Variants in MEFV observed in about 807,000 individuals in gnomAD.
MEFV encodes the protein pyrin.
Under a neutral mutation model 62.5 loss-of-function variants are expected in MEFV, and 60 were observed. The observed-to-expected ratio is 0.96, with a 90% CI of 0.78 to 1.19. MEFV has a LOEUF of 1.19. MEFV is among the 50% of genes most tolerant of loss of function. MEFV has a pLI of 0.00. For missense variants in MEFV, 1,169 were observed against 1,004.5 expected (o/e 1.16, Z -2.21); for synonymous variants, 500 against 415.2 (o/e 1.20, Z -2.48).
At chr16:3,243,747 AG>A in intron 9 of MEFV, 53 bp from the exon 10 acceptor site, 1 of 1,610,044 alleles carries the variant, frequency 6.2e-7, no homozygotes, top group South Asian at 1.1e-5. Flanking sequence ...ACATCCCTAC[AG>A]GGTTCTCCCC....
rs763891956 is a variant in MEFV at position 3,254,169 on chromosome 16, T to A, written c.899A>T (p.His300Leu). 6.2e-7 allele frequency: 1 copy of A among 1,614,202 alleles called. No individual in the cohort carries two copies. Among genetic ancestry groups the A allele is most frequent in the Non-Finnish European group, 8.5e-7 (1 of 1,180,030 alleles). Residue 300 changes from histidine (H) to leucine (L), a missense_variant, in exon 2 of 10, where the codon CAT (histidine) becomes CTT (leucine). Coordinates refer to ENST00000219596, the MANE Select transcript of MEFV (RefSeq NM_000243.3). ...AGAACACAATTTACCGGTGACCGAA[T>A]GTTCTGGATTTCCAGGGCCTTCCTT... ...DLKEGPGNPE[H>L]SVTGRPPDTA...
At chr16:3,255,523 G>A (rs1421077078) in intron 1 of MEFV, among the ~76,000 whole-genome samples, 3 of 151,804 alleles carry the variant, frequency 2.0e-5, no homozygotes, top group Admixed American at 2.0e-4. Context: ...CCTGTTTTCT[G>A]TTTTTTCAAT....
intron 4 of MEFV, 123 bp from the exon 5 acceptor site, chr16:3,247,369 G>C: frequency 1.3e-6 from 1 of 745,364 alleles, no homozygotes; most frequent in East Asian, 2.6e-5. Context: ...GCCTCTTCAA[G>C]GCCTAGATTC....
rs1958880419 is a variant in MEFV, at chr16:3,243,078, A to G, written c.*63T>C. On this transcript the variant is annotated 3_prime_UTR_variant, in exon 10 of 10. Coordinates refer to ENST00000219596, the MANE Select transcript of MEFV (RefSeq NM_000243.3). The stretch of plus-strand genomic sequence containing the variant: ...GCTAGCACCTAGTCGGCATTCCGTG[A>G]CTATTGAGTGTGAATGCAAGATACA... The G allele has an allele frequency of 6.4e-7, 1 of 1,563,166 alleles. No individual in the cohort carries two copies. The highest frequency in any genetic ancestry group is 8.8e-7 in the Non-Finnish European group (1 of 1,136,074).
At chr16:3,251,400 C>T (rs948284078) in intron 2 of MEFV, among the ~76,000 whole-genome samples, 5 of 152,166 alleles carry the variant, frequency 3.3e-5, no homozygotes, top group Non-Finnish European at 7.3e-5. Flanking sequence ...GGCATGAGGA[C>T]GTCACCTTCT....
Position 3,243,371 on chromosome 16 carries a change from G to A in MEFV, c.2116C>T (p.Pro706Ser). 6.2e-7 allele frequency: 1 copy of A among 1,614,156 alleles called. No homozygotes were observed. Among genetic ancestry groups the A allele is most frequent in the African/African-American group, 1.3e-5 (1 of 75,030 alleles). ...GGCTCCTTTATTAGCAGGCGGGTCG[G>A]GGGAACGCTGGACGCCTGGTACTCA... ...ENEYQASSVP[P>S]TRLLIKEPPK... Residue 706 changes from proline (P) to serine (S), a missense_variant, in exon 10 of 10, where the codon CCG becomes TCG. Coordinates refer to ENST00000219596, the MANE Select transcript of MEFV (RefSeq NM_000243.3).
In MEFV at chr16:3,243,274, G is replaced by T. The variant is rs1958884755; in HGVS notation, c.2213C>A (p.Ser738Tyr). The T allele has an allele frequency of 6.2e-7, 1 of 1,614,206 alleles. No individual in the cohort carries two copies. The highest frequency in any genetic ancestry group is 1.3e-5 in the African/African-American group (1 of 75,044). ...GCAGCTGGCGAATGTATAGATGTGGGATCTGGCTGTCACATTGTAAAAGGA... is the reference window on the plus strand; with the variant it reads ...GCAGCTGGCGAATGTATAGATGTGGTATCTGGCTGTCACATTGTAAAAGGA... ...SISFYNVTAR[S>Y]HIYTFASCSF... Residue 738 changes from serine to tyrosine, a missense_variant, in exon 10 of 10, where the codon TCC becomes TAC. By Grantham distance (144) the Ser-to-Tyr change is moderately radical. Transcript: ENST00000219596.
rs374937035 is a variant in MEFV at position 3,247,170 on chromosome 16, T to C, written c.1433A>G (p.His478Arg). 5.6e-6 allele frequency: 9 copies of C among 1,613,980 alleles called. No homozygotes were observed. Among genetic ancestry groups the C allele is most frequent in the Non-Finnish European group, 7.6e-6 (9 of 1,180,024 alleles). ...QVYYFLEQQE[H>R]FFVASLEDVG... is the part of the protein sequence containing the mutation. ...GTCCTCCAGTGAGGCCACAAAGAAA[T>C]GCTCTTGCTGCTCCAGGAAGTAGTA... The change falls in exon 5 of 10, where the codon CAT becomes CGT. Residue 478 changes from histidine (H) to arginine (R), a missense_variant. Physicochemically the swap from His to Arg is conservative, Grantham distance 29. Coordinates refer to ENST00000219596, the MANE Select transcript of MEFV (RefSeq NM_000243.3).
chr16:3,243,263 T>C lies in MEFV; in HGVS notation c.2224A>G (p.Thr742Ala), dbSNP rs1958884433. The stretch of plus-strand genomic sequence containing the variant: ...CCAGAGAAAGAGCAGCTGGCGAATG[T>C]ATAGATGTGGGATCTGGCTGTCACA... The part of the protein sequence containing the change: ...YNVTARSHIY[T>A]FASCSFSGPL... The change falls in exon 10 of 10, where the codon ACA becomes GCA. Residue 742 changes from threonine (T) to alanine (A), a missense_variant. Physicochemically the swap from Thr to Ala is moderately conservative, Grantham distance 58. Coordinates refer to ENST00000219596, the MANE Select transcript of MEFV (RefSeq NM_000243.3). The C allele has an allele frequency of 6.2e-7, 1 of 1,614,060 alleles. No individual in the cohort carries two copies. Among genetic ancestry groups the C allele is most frequent in the South Asian group, 1.1e-5 (1 of 91,088 alleles).
At position 3,243,669 on chromosome 16, in the gene MEFV, G is replaced by A. The variant is rs104895213; in HGVS notation, c.1818C>T (p.Thr606=). Residue 606 remains threonine, a synonymous_variant, in exon 10 of 10, where the codon ACC becomes ACT. Coordinates refer to ENST00000219596, the MANE Select transcript of MEFV (RefSeq NM_000243.3). The part of the protein sequence containing the change: ...HAVNVILDAE[T]AYPNLIFSDD... ...CAGAGAAGATGAGGTTGGGGTAAGC[G>A]GTTTCTGCATCCAGAATCACATTAA... The A allele has an allele frequency of 1.5e-5, 24 of 1,607,068 alleles. No homozygotes were observed. Among genetic ancestry groups the A allele is most frequent in the African/African-American group, 5.4e-5 (4 of 74,576 alleles).
At chr16:3,244,636 GC>G (rs1958912189) in intron 6 of MEFV, 48 bp from the exon 7 acceptor site, 2 of 1,417,920 alleles carry the variant, frequency 1.4e-6, no homozygotes, top group Admixed American at 1.7e-5. Flanking sequence ...CGAGGGGGTG[GC>G]CCAAGTACCC....
Position 3,242,951 on chromosome 16 carries a change from C to G in MEFV, c.*190G>C, listed in dbSNP as rs114930858. The G allele has an allele frequency of 1.8e-3, 1,165 of 658,832 alleles. 13 individuals carry two copies. In the African/African-American group the frequency reaches 0.019, roughly 11 times the overall value. The allele number at this position is 658,832 out of a possible 1,614,324, so 40.8% of individuals were successfully genotyped here. On this transcript the variant is annotated 3_prime_UTR_variant, in exon 10 of 10. Coordinates refer to ENST00000219596, the MANE Select transcript of MEFV (RefSeq NM_000243.3). ...GGTGTGTCATCAGTACATGTCTTCA[C>G]CCGGATTGACTAACATGTTCGTTCC...
chr16:3,251,471 T>A (rs1255329764), intron 2 of MEFV, among the ~76,000 whole-genome samples: 2 of 152,234 alleles, frequency 1.3e-5, no homozygotes, highest in Non-Finnish European at 2.9e-5. Flanking sequence ...CCCAGGGTCC[T>A]GGCCCACGGA....
Position 3,254,546 on chromosome 16 carries a change from C to T in MEFV, c.522G>A (p.Lys174=). The T allele has an allele frequency of 6.4e-7, 1 of 1,557,290 alleles. No individual in the cohort carries two copies. The change falls in exon 2 of 10, where the codon AAG becomes AAA. Residue 174 remains lysine (K), a synonymous_variant. Transcript: ENST00000219596. ...GCAGGGCCGGGCTCCGGGTCCGAGG[C>T]TTGCCCTGCGCGTCCAGGCCCTCCG... ...KASEGLDAQG[K]PRTRSPALPG...
chr16:3,246,110 C>A (rs546620531), intron 6 of MEFV, among the ~76,000 whole-genome samples: 1 of 152,178 alleles, frequency 6.6e-6, no homozygotes, highest in East Asian at 1.9e-4. Context: ...TAAGGCTTAG[C>A]CTCTTCCTGT....
rs1042945356 is a variant in MEFV, at chr16:3,256,365, G to A, written c.223C>T (p.Arg75Trp). The change falls in exon 1 of 10, where the codon CGG becomes TGG. Residue 75 changes from arginine to tryptophan, a missense_variant. Arg to Trp is a moderately radical substitution (Grantham distance 101). Transcript: ENST00000219596. ...GCCAGCAGGCGCTGGTTGATGGCCC[G>A]CAGGACCTGCAGGGTGAGCTGCACG... Reference protein sequence around the residue: ...YAVQLTLQVLRAINQRLLAEE... With the variant: ...YAVQLTLQVLWAINQRLLAEE... 3.7e-6 allele frequency: 6 copies of A among 1,613,908 alleles called. No individual in the cohort carries two copies. The highest frequency in any genetic ancestry group is 2.2e-5 in the East Asian group (1 of 44,902).
intron 2 of MEFV, among the ~76,000 whole-genome samples, chr16:3,253,493 C>A (rs1192980067): frequency 1.3e-5 from 2 of 152,024 alleles, no homozygotes; most frequent in Non-Finnish European, 1.5e-5. Flanking sequence ...TTCAATCGGA[C>A]ATTCTTTCTT....
chr16:3,251,012 A>T (rs1959024339), intron 2 of MEFV, among the ~76,000 whole-genome samples: 1 of 139,786 alleles, frequency 7.2e-6, no homozygotes, highest in Non-Finnish European at 1.5e-5. Context: ...TGACCAAGAG[A>T]GACTCCATCT....
At chr16:3,246,126 C>T (rs1958939381) in intron 6 of MEFV, among the ~76,000 whole-genome samples, 1 of 152,206 alleles carries the variant, frequency 6.6e-6, no homozygotes, top group Admixed American at 6.5e-5. Flanking sequence ...CCTGTCCCTT[C>T]CCTCCCCTCC....
Sources: allele counts gnomAD v4.1 joint callset (sites outside exome capture counted in the v4.1 genomes callset), GRCh38; gene constraint gnomAD v4.1.1; transcripts MANE v1.5; gene names NCBI Gene and HGNC (gene_info 2026-07-23, HGNC 2026-07-21).